Variants in ZNF567 observed in about 807,000 individuals in gnomAD.
ZNF567 encodes zinc finger protein 567.
In ZNF567, 36 loss-of-function variants were observed where a neutral mutation model predicts 53.9. That is an observed-to-expected ratio of 0.67 (90% confidence interval 0.51 to 0.88). ZNF567 has a LOEUF of 0.88. ZNF567 is among the 40% of genes least tolerant of loss of function. The probability of loss-of-function intolerance (pLI) is 0.00; values close to 1 mark genes in which losing one functional copy is unlikely to be tolerated. For missense variants in ZNF567, 619 were observed against 764.7 expected (o/e 0.81, Z 2.25); for synonymous variants, 224 against 260.4 (o/e 0.86, Z 1.35).
At chr19:36,669,477 G>GA in the ZNF567 span, 16 of 152,138 alleles carry the variant, frequency 1.1e-4, no homozygotes, top group Non-Finnish European at 1.9e-4. Context: ...TTACAGTGGG[G>GA]AAAATAAATA....
downstream of ZNF567, among the ~76,000 whole-genome samples, chr19:36,726,102 T>C (rs1040551456): frequency 6.6e-6 from 1 of 152,246 alleles, no homozygotes; most frequent in Non-Finnish European, 1.5e-5. Context: ...ATTTTAGTTA[T>C]ATTTTCAATT....
Position 36,720,549 on chromosome 19 carries a change from A to C in ZNF567, c.1825A>C (p.Arg609=), listed in dbSNP as rs1182814011. 1 of 1,614,024 alleles carries C rather than the reference A, an allele frequency of 6.2e-7. No homozygotes were observed. Residue 609 remains arginine, a synonymous_variant, in exon 6 of 6, where the codon AGA becomes CGA. Transcript: ENST00000682579. ...GAAGACAAATCTTATTGTACATCAG[A>C]GAACTCACACAGGTGAGAAACCCTA... ...RQKTNLIVHQ[R]THTGEKPYVC...
the ZNF567 span, among the ~76,000 whole-genome samples, chr19:36,667,656 CTT>C: frequency 7.4e-6 from 1 of 134,912 alleles, no homozygotes; most frequent in Admixed American, 7.4e-5. Flanking sequence ...TTTTTTTTTT[CTT>C]TTTTTTTTTT....
At chr19:36,713,934 C>CA (rs997794649) in intron 5 of ZNF567, among the ~76,000 whole-genome samples, 4 of 151,574 alleles carry the variant, frequency 2.6e-5, no homozygotes, top group South Asian at 2.1e-4. Flanking sequence ...GACTCCATTT[C>CA]AAAAAAAATA....
At chr19:36,698,883 C>T (rs1202842867) in intron 3 of ZNF567, among the ~76,000 whole-genome samples, 2 of 152,128 alleles carry the variant, frequency 1.3e-5, no homozygotes, top group African/African-American at 4.8e-5. Context: ...CCTGTTCTCT[C>T]TGATGGTAGT....
chr19:36,690,692 T>C (rs1334584499), intron 2 of ZNF567, among the ~76,000 whole-genome samples: 1 of 152,218 alleles, frequency 6.6e-6, no homozygotes, highest in African/African-American at 2.4e-5. Flanking sequence ...GTTTCTTTCA[T>C]GGTGATTGAA....
intron 3 of ZNF567, among the ~76,000 whole-genome samples, chr19:36,702,008 C>A (rs1473553836): frequency 1.3e-5 from 2 of 151,854 alleles, no homozygotes; most frequent in Non-Finnish European, 2.9e-5. Flanking sequence ...GATGCAGTTT[C>A]TTCCTAGTCT....
chr19:36,701,334 T>C (rs2039171725), intron 3 of ZNF567, among the ~76,000 whole-genome samples: 2 of 151,876 alleles, frequency 1.3e-5, no homozygotes, highest in African/African-American at 4.8e-5. Context: ...AGGAGAGCTT[T>C]ACTTCCAAGT....
upstream of ZNF567, chr19:36,686,024 A>G (rs928797588): frequency 1.3e-5 from 2 of 152,258 alleles, no homozygotes; most frequent in African/African-American, 4.8e-5. Flanking sequence ...GTCTCAGGGC[A>G]GGAAAAGGGG....
At chr19:36,678,375 G>T in the ZNF567 span, among the ~76,000 whole-genome samples, 11 of 152,144 alleles carry the variant, frequency 7.2e-5, no homozygotes, top group South Asian at 2.1e-4. Context: ...AATTATAAAA[G>T]AAATACACAC....
chr19:36,670,366 C>T, the ZNF567 span, among the ~76,000 whole-genome samples: 3 of 152,036 alleles, frequency 2.0e-5, no homozygotes, highest in East Asian at 5.8e-4. Context: ...CTAAAACTGT[C>T]TCCACCTAGA....
Position 36,721,079 on chromosome 19 carries a change from A to G in ZNF567, c.*411A>G, listed in dbSNP as rs1039255746. 2 of 152,670 alleles carry G rather than the reference A, an allele frequency of 1.3e-5. No homozygotes were observed. The highest frequency in any genetic ancestry group is 4.8e-5 in the African/African-American group (2 of 41,490). The allele number at this position is 152,670 out of a possible 1,614,324, so 9.5% of individuals were successfully genotyped here. The stretch of plus-strand genomic sequence containing the variant: ...CTAAGAGTTACCACTTCCGTAGCCT[A>G]TAACATCAAAACGTAGTTTTTGCAT... On this transcript the variant is annotated 3_prime_UTR_variant, in exon 6 of 6. Coordinates refer to ENST00000682579, the MANE Select transcript of ZNF567 (RefSeq NM_001322917.1).
chr19:36,680,312 T>C, the ZNF567 span, among the ~76,000 whole-genome samples: 1 of 152,218 alleles, frequency 6.6e-6, no homozygotes, highest in African/African-American at 2.4e-5. Context: ...TAGAACATTG[T>C]TGCTGTTCTG....
At chr19:36,673,473 C>T in the ZNF567 span, among the ~76,000 whole-genome samples, 1 of 152,170 alleles carries the variant, frequency 6.6e-6, no homozygotes, top group Non-Finnish European at 1.5e-5. Context: ...GGATGAGCCT[C>T]ATTCAATCAG....
intron 5 of ZNF567, among the ~76,000 whole-genome samples, chr19:36,713,988 T>A (rs73609133): frequency 0.046 from 7,023 of 152,262 alleles, 467 homozygotes; most frequent in African/African-American, 0.14. Context: ...CATTCTTTCC[T>A]AGTTTGCTTC....
chr19:36,679,945 T>G, the ZNF567 span, among the ~76,000 whole-genome samples: 1 of 152,176 alleles, frequency 6.6e-6, no homozygotes, highest in Non-Finnish European at 1.5e-5. Flanking sequence ...GTTACTGTAT[T>G]GTATATTTCA....
rs541566122 is a variant in ZNF567 at position 36,709,866 on chromosome 19, C to T, written c.10-2520C>T. Among the ~76,000 whole-genome samples, 23 of 152,244 alleles carry T rather than the reference C, an allele frequency of 1.5e-4. No homozygotes were observed. The South Asian group carries it at 4.6e-3, about 30-fold the overall frequency. On this transcript the variant is annotated intron_variant, in intron 3 of 5. Transcript: ENST00000682579. ...TCATTTTGAATATATAGTTTTGCTG[C>T]GTGTAGAATTCTTGGCTGTGTAGCA...
downstream of ZNF567, among the ~76,000 whole-genome samples, chr19:36,724,004 C>CTTTTT (rs536627641): frequency 2.0e-5 from 2 of 98,382 alleles, no homozygotes; most frequent in Non-Finnish European, 1.9e-5. Flanking sequence ...TTCTGTATTT[C>CTTTTT]TTTTTTTTTT....
chr19:36,724,155 T>C (rs892216838), downstream of ZNF567, among the ~76,000 whole-genome samples: 46 of 151,156 alleles, frequency 3.0e-4, no homozygotes, highest in Non-Finnish European at 1.3e-4. Flanking sequence ...TACAGGCATG[T>C]TCCCCCATGC....
Sources: allele counts gnomAD v4.1 joint callset (sites outside exome capture counted in the v4.1 genomes callset), GRCh38; gene constraint gnomAD v4.1.1; transcripts MANE v1.5; gene names NCBI Gene and HGNC (gene_info 2026-07-23, HGNC 2026-07-21).